The following KCNN3 variants were observed in gnomAD, a reference collection of about 807,000 sequenced individuals.
KCNN3 encodes the protein small conductance calcium-activated potassium channel protein 3.
Under a neutral mutation model 62.9 loss-of-function variants are expected in KCNN3, and 16 were observed. The ratio of observed to expected loss-of-function variants is 0.25; its 90% CI spans 0.17 to 0.39. KCNN3 has a LOEUF of 0.39. Among genes scored for constraint, KCNN3 ranks in the 10% least tolerant of loss-of-function variants. The pLI, the probability that KCNN3 is intolerant of heterozygous loss-of-function variation, is 1.00. For synonymous variants in KCNN3, 370 were observed against 389.2 expected, an observed-to-expected ratio of 0.95 and a Z score of 0.58; for missense variants, 599 against 949.4, an observed-to-expected ratio of 0.63 and a Z score of 4.85.
chr1:154,761,422 T>G (rs1648007284), intron 3 of KCNN3, among the ~76,000 whole-genome samples: 1 of 151,546 alleles, frequency 6.6e-6, no homozygotes, highest in African/African-American at 2.4e-5. Flanking sequence ...GAGCCAAGAT[T>G]GCGCCACTGC....
At chr1:154,834,038 C>T (rs182320849) in intron 1 of KCNN3, among the ~76,000 whole-genome samples, 156 of 152,342 alleles carry the variant, frequency 1.0e-3, no homozygotes, top group Middle Eastern at 3.4e-3. Context: ...TAACATTTGG[C>T]ACAGGTTTTT....
intron 2 of KCNN3, among the ~76,000 whole-genome samples, chr1:154,797,545 T>C (rs1649783441): frequency 6.6e-6 from 1 of 152,242 alleles, no homozygotes; most frequent in African/African-American, 2.4e-5. Context: ...CCGTTCTTTG[T>C]CTGCATCTGA....
At position 154,869,720 on chromosome 1, in the gene KCNN3, G is replaced by A; in HGVS notation, c.245C>T (p.Pro82Leu). 2.2e-5 allele frequency: 10 copies of A among 449,138 alleles called. No individual in the cohort carries two copies. The highest frequency in any genetic ancestry group is 6.5e-5 in the East Asian group (1 of 15,362). 27.8% of individuals were successfully genotyped at this position (449,138 alleles called of 1,614,324 possible). A position where few individuals can be genotyped will look rare whatever the true frequency, so the allele number is the denominator to read the frequency against. Residue 82 changes from proline to leucine, a missense_variant, in exon 1 of 8, where the codon CCG becomes CTG. Physicochemically the swap from Pro to Leu is moderately conservative, Grantham distance 98. Around this residue, in one of 7 missense-constraint regions of KCNN3, gnomAD observed 112 missense variants for 142.9 expected, o/e 0.78. Coordinates refer to ENST00000271915, the MANE Select transcript of KCNN3 (RefSeq NM_002249.6). This position sits in a 1 kb window ranked among gnomAD's most constrained non-coding sequence, Gnocchi z 6.1. ...TTGGGCGAGCTGAGACAGGGGATGC[G>A]GTGGCTGCTGCTGCTGCTGCTGCTG... ...QQQQQQQQQP[P>L]HPLSQLAQLQ... is the part of the protein sequence containing the mutation.
chr1:154,868,082 C>CA, intron 1 of KCNN3: 1 of 985,612 alleles, frequency 1.0e-6, no homozygotes, highest in South Asian at 4.7e-5. Flanking sequence ...CGCGCACTCA[C>CA]ACACACACTC....
intron 1 of KCNN3, among the ~76,000 whole-genome samples, chr1:154,842,635 C>A (rs867819040): frequency 4.5e-5 from 5 of 110,768 alleles, no homozygotes; most frequent in South Asian, 3.6e-4. Flanking sequence ...AGGGACCCCC[C>A]CCCCGCCACC....
rs536466277 is a variant in KCNN3 at position 154,837,053 on chromosome 1, C to T, written c.934-14869G>A. ...AGAACTCCATCAACTTTTGTTTCCT[C>T]GTTCCACTGACTAAACAGATACTTA... is the stretch of plus-strand genomic sequence containing the variant. On this transcript the variant is annotated intron_variant, in intron 1 of 7. Transcript: ENST00000271915. Among the ~76,000 whole-genome samples, 4 of 152,116 alleles carry T rather than the reference C, an allele frequency of 2.6e-5. No homozygotes were observed. In the South Asian group the frequency reaches 6.2e-4, roughly 24 times the overall value.
intron 1 of KCNN3, among the ~76,000 whole-genome samples, chr1:154,848,742 T>C (rs1652186143): frequency 6.6e-6 from 1 of 152,136 alleles, no homozygotes; most frequent in Admixed American, 6.5e-5. Context: ...AAGCCCTACC[T>C]TCCTTCAAAA....
intron 2 of KCNN3, among the ~76,000 whole-genome samples, chr1:154,805,405 G>C (rs2101878010): frequency 6.6e-6 from 1 of 152,312 alleles, no homozygotes; most frequent in East Asian, 1.9e-4. Context: ...AGAATCCCTA[G>C]GGGTGGGACT....
In KCNN3 at chr1:154,772,457, A is replaced by G. The variant is rs1648604786; in HGVS notation, c.1030-64T>C. ...AGGAAGCCCACAGCAGGGTCCAGGC[A>G]GGACAGGTGGGGCAGGCTGGGGCAG... is the stretch of plus-strand genomic sequence containing the variant. On this transcript the variant is annotated intron_variant, in intron 2 of 7. Coordinates refer to ENST00000271915, the MANE Select transcript of KCNN3 (RefSeq NM_002249.6). This position sits in a 1 kb window ranked among gnomAD's most constrained non-coding sequence, Gnocchi z 5.6. 1 of 1,560,564 alleles carries G rather than the reference A, an allele frequency of 6.4e-7. No individual in the cohort carries two copies. The highest frequency in any genetic ancestry group is 1.4e-5 in the African/African-American group (1 of 73,972).
rs529277897 is a variant in KCNN3 at position 154,709,294 on chromosome 1, C to T, written c.1900-1022G>A. Among the ~76,000 whole-genome samples, 93 of 152,290 alleles carry T rather than the reference C, an allele frequency of 6.1e-4. No individual in the cohort carries two copies. In the Middle Eastern group the frequency reaches 0.014, roughly 22 times the overall value. Reference sequence around the variant, plus strand: ...AGATTCACAAGCATCTTCAGCCTCCCACGTGTCAGGGAGTGAGGCTCCTGG... The same window carrying T: ...AGATTCACAAGCATCTTCAGCCTCCTACGTGTCAGGGAGTGAGGCTCCTGG... On this transcript the variant is annotated intron_variant, in intron 7 of 7. Coordinates refer to ENST00000271915, the MANE Select transcript of KCNN3 (RefSeq NM_002249.6).
intron 3 of KCNN3, among the ~76,000 whole-genome samples, chr1:154,763,950 TA>T (rs573018375): frequency 6.6e-6 from 1 of 152,268 alleles, no homozygotes; most frequent in Non-Finnish European, 1.5e-5. Flanking sequence ...TTATCCATAT[TA>T]AATGGTTCTT....
chr1:154,721,460 C>T (rs1012713458), intron 5 of KCNN3, among the ~76,000 whole-genome samples: 2 of 151,916 alleles, frequency 1.3e-5, no homozygotes, highest in Non-Finnish European at 2.9e-5. Flanking sequence ...CCACCATGCC[C>T]GGCTAATTTT....
At chr1:154,796,706 T>C (rs1227180541) in intron 2 of KCNN3, among the ~76,000 whole-genome samples, 1 of 152,232 alleles carries the variant, frequency 6.6e-6, no homozygotes, top group Non-Finnish European at 1.5e-5. Flanking sequence ...CCCCTGCCGC[T>C]GTCAGCATGC....
intron 4 of KCNN3, among the ~76,000 whole-genome samples, chr1:154,729,390 C>T (rs898069771): frequency 1.4e-4 from 22 of 152,008 alleles, no homozygotes; most frequent in African/African-American, 3.1e-4. Context: ...GGCACGTGGG[C>T]GAGAGGGAGC....
chr1:154,771,103 AT>A (rs1648540211), intron 3 of KCNN3, among the ~76,000 whole-genome samples: 2 of 141,722 alleles, frequency 1.4e-5, no homozygotes, highest in African/African-American at 2.5e-5. Flanking sequence ...AAATAAATAA[AT>A]AAATAAAATG....
In KCNN3 at chr1:154,809,390, T is replaced by G. The variant is rs1054619231; in HGVS notation, c.1029+12699A>C. Among the ~76,000 whole-genome samples, 6 of 152,186 alleles carry G rather than the reference T, an allele frequency of 3.9e-5. No homozygotes were observed. Among genetic ancestry groups the G allele is most frequent in the African/African-American group, 1.4e-4 (6 of 41,432 alleles). On this transcript the variant is annotated intron_variant, in intron 2 of 7. Transcript: ENST00000271915. The surrounding 1 kb of genome is among the most constrained non-coding windows in gnomAD (Gnocchi z 4.3). ...CGTGTTCTATGAATGCAGAGCAGGC[T>G]TATTTGGGGGCTGGGGTGGGAGGGC...
At chr1:154,765,225 A>T (rs888108654) in intron 3 of KCNN3, among the ~76,000 whole-genome samples, 3 of 152,156 alleles carry the variant, frequency 2.0e-5, no homozygotes, top group Non-Finnish European at 2.9e-5. Context: ...CACACACAAC[A>T]TCCCCTTACC....
chr1:154,726,843 G>C (rs7553032), intron 4 of KCNN3, among the ~76,000 whole-genome samples: 2 of 152,184 alleles, frequency 1.3e-5, no homozygotes, highest in African/African-American at 2.4e-5. Context: ...CGGTAGGTCC[G>C]TGCCAGGGGA....
At chr1:154,756,171 A>AAGAAG (rs1324150400) in intron 3 of KCNN3, among the ~76,000 whole-genome samples, 1 of 115,838 alleles carries the variant, frequency 8.6e-6, no homozygotes, top group Non-Finnish European at 1.8e-5. Context: ...AGAAGAAGAG[A>AAGAAG]AGAAGAGGTG....
Sources: allele counts gnomAD v4.1 joint callset (sites outside exome capture counted in the v4.1 genomes callset), GRCh38; gene constraint gnomAD v4.1.1; regional missense constraint gnomAD v4.1.1; non-coding constraint Gnocchi (gnomAD v3.1); transcripts MANE v1.5; gene names NCBI Gene and HGNC (gene_info 2026-07-23, HGNC 2026-07-21).